DDHD2: variants seen among roughly 807,000 people sequenced by gnomAD.
DDHD2 encodes the protein DDHD domain containing 2.
DDHD2 carries 62 observed loss-of-function variants against 91.2 expected under a neutral mutation model. The observed-to-expected ratio is 0.68, with a 90% CI of 0.55 to 0.84. The LOEUF (loss-of-function observed/expected upper bound fraction) is 0.84. Among genes scored for constraint, DDHD2 ranks in the 40% least tolerant of loss-of-function variants. The pLI, the probability that DDHD2 is intolerant of heterozygous loss-of-function variation, is 0.00. For synonymous variants in DDHD2, 271 were observed against 293.9 expected, an observed-to-expected ratio of 0.92 and a Z score of 0.80; for missense variants, 740 against 846.9, an observed-to-expected ratio of 0.87 and a Z score of 1.57.
At chr8:38,271,618 G>A (rs1808484971), downstream of DDHD2, 1 of 152,198 alleles carries the variant, frequency 6.6e-6, no homozygotes, top group Admixed American at 6.5e-5. Flanking sequence ...AATTCTAGGT[G>A]GCCCTAGGCC....
chr8:38,249,354 G>A (rs531328355), intron 10 of DDHD2, among the ~76,000 whole-genome samples: 2 of 151,184 alleles, frequency 1.3e-5, no homozygotes, highest in East Asian at 2.0e-4. Context: ...CACCCGCCTC[G>A]GCCTCCCAAA....
At chr8:38,269,166 C>G in intron 1 of DDHD2, 2 of 1,509,842 alleles carry the variant, frequency 1.3e-6, no homozygotes, top group South Asian at 1.2e-5. Context: ...CCCACTTCGG[C>G]CCCAAAGGCC....
At position 38,249,938 on chromosome 8, in the gene DDHD2, A is replaced by G. The variant is rs1278315032; in HGVS notation, c.1344+135A>G. The G allele has an allele frequency of 9.7e-6, 5 of 515,886 alleles. No homozygotes were observed. The African/African-American group carries it at 9.8e-5, about 10-fold the overall frequency. 32.0% of individuals were successfully genotyped at this position (515,886 alleles called of 1,614,324 possible). A position where few individuals can be genotyped will look rare whatever the true frequency, so the allele number is the denominator to read the frequency against. On this transcript the variant is annotated intron_variant, in intron 11 of 17. Transcript: ENST00000397166. ...TGATCTTTGGCTCTTTTTTTTTGAG[A>G]CAGGGTCTCGCTCTGTCACTCAGGC...
rs866630255 is a variant in DDHD2, at chr8:38,262,799, C to G, written c.*2226C>G. On this transcript the variant is annotated 3_prime_UTR_variant, in exon 18 of 18. Coordinates refer to ENST00000397166, the MANE Select transcript of DDHD2 (RefSeq NM_015214.3). Reference sequence around the variant, plus strand: ...CTAGTGGCCTACTTTTACCTGGACTCACCCGTCTCAAAGTCAAGAAAATCA... The same window carrying G: ...CTAGTGGCCTACTTTTACCTGGACTGACCCGTCTCAAAGTCAAGAAAATCA... The G allele has an allele frequency of 3.9e-5, 6 of 152,170 alleles. No homozygotes were observed. The South Asian group carries it at 6.2e-4, about 16-fold the overall frequency. 9.4% of individuals were successfully genotyped at this position (152,170 alleles called of 1,614,324 possible). A position where few individuals can be genotyped will look rare whatever the true frequency, so the allele number is the denominator to read the frequency against.
chr8:38,263,548 A>G (rs1304029133), downstream of DDHD2: 2 of 985,264 alleles, frequency 2.0e-6, no homozygotes, highest in African/African-American at 3.5e-5. Context: ...TAATTCAACA[A>G]ATTGTTTATG....
intron 3 of DDHD2, among the ~76,000 whole-genome samples, chr8:38,237,186 G>C (rs980177054): frequency 6.6e-6 from 1 of 151,892 alleles, no homozygotes; most frequent in African/African-American, 2.4e-5. Context: ...GACCAGCCTA[G>C]CCATTATGGC....
At chr8:38,267,116 G>A (rs1807740988), downstream of DDHD2, 1 of 1,508,618 alleles carries the variant, frequency 6.6e-7, no homozygotes, top group African/African-American at 1.4e-5. Context: ...TCAAGGCTCA[G>A]ACTTGTTAAA....
downstream of DDHD2, among the ~76,000 whole-genome samples, chr8:38,265,325 T>C (rs1228221446): frequency 6.6e-6 from 1 of 151,960 alleles, no homozygotes; most frequent in African/African-American, 2.4e-5. Flanking sequence ...ATTTAAAAAT[T>C]TAAAATAGGG....
chr8:38,244,241 C>T (rs1197361321), intron 7 of DDHD2, among the ~76,000 whole-genome samples: 1 of 151,964 alleles, frequency 6.6e-6, no homozygotes, highest in African/African-American at 2.4e-5. Context: ...AGCCACAGTG[C>T]CTGGCCTGAA....
Position 38,245,945 on chromosome 8 carries a change from GT to G in DDHD2, c.1055del (p.Leu352Ter), listed in dbSNP as rs1563306348. On this transcript the variant is annotated frameshift_variant, in exon 8 of 18. Transcript: ENST00000397166. LOFTEE classifies it high-confidence loss of function. ...GGGGGTGTATCCATTGCTGGTCATA[GT>G]TTAGGTAACAAAATGAGTTCTGTGT... is the stretch of plus-strand genomic sequence containing the variant. ...FKGGVSIAGH[S>X]LGSLILFDIL... The G allele has an allele frequency of 6.2e-7, 1 of 1,612,804 alleles. No individual in the cohort carries two copies. Among genetic ancestry groups the G allele is most frequent in the Non-Finnish European group, 8.5e-7 (1 of 1,179,742 alleles).
At chr8:38,237,900 C>G (rs1585706582) in intron 4 of DDHD2, among the ~76,000 whole-genome samples, 189 bp from the exon 5 acceptor site, 1 of 152,172 alleles carries the variant, frequency 6.6e-6, no homozygotes, top group East Asian at 1.9e-4. Flanking sequence ...TAGAAAGGGA[C>G]TATTGACAGA....
At chr8:38,267,934 C>T in intron 1 of DDHD2, 2 of 1,613,974 alleles carry the variant, frequency 1.2e-6, no homozygotes, top group South Asian at 2.2e-5. Flanking sequence ...GTAAAGACGC[C>T]ATTCAGAGCC....
chr8:38,249,930 T>G (rs1313129534), intron 11 of DDHD2, 127 bp downstream of exon 11: 11 of 552,298 alleles, frequency 2.0e-5, no homozygotes, highest in Non-Finnish European at 2.9e-5. Context: ...TGGCTCTTTT[T>G]TTTTGAGACA....
rs565957213 is a variant in DDHD2 at position 38,235,583 on chromosome 8, C to T, written c.411+999C>T. 6.6e-5 allele frequency among the ~76,000 whole-genome samples: 10 copies of T among 151,386 alleles called. No individual in the cohort carries two copies. In the South Asian group the frequency reaches 1.7e-3, roughly 25 times the overall value. ...CTAAAAATACAAAATTAGCTGGGCACGGTGGTGCACGCCTGTAATCCCAGC... is the reference window on the plus strand; with the variant it reads ...CTAAAAATACAAAATTAGCTGGGCATGGTGGTGCACGCCTGTAATCCCAGC... On this transcript the variant is annotated intron_variant, in intron 3 of 17. Coordinates refer to ENST00000397166, the MANE Select transcript of DDHD2 (RefSeq NM_015214.3).
In DDHD2 at chr8:38,257,397, C is replaced by T. The variant is rs147114284; in HGVS notation, c.2055-2643C>T. On this transcript the variant is annotated intron_variant, in intron 16 of 17. Transcript: ENST00000397166. ...CTGAGTAGCTGGGATTACAGGTGTG[C>T]GCTACCATGCCTAGCTAATTTTTGT... Among the ~76,000 whole-genome samples the T allele has an allele frequency of 3.5e-3, 530 of 151,166 alleles. 2 individuals carry two copies. Among genetic ancestry groups the T allele is most frequent in the African/African-American group, 0.012 (502 of 41,144 alleles).
downstream of DDHD2, chr8:38,267,295 T>A: frequency 6.2e-7 from 1 of 1,614,024 alleles, no homozygotes; most frequent in South Asian, 1.1e-5. Flanking sequence ...GGAAGCTCTT[T>A]CGGCCCTCAT....
At chr8:38,271,067 CAAAAT>C (rs1377589282) in intron 1 of DDHD2, 1 of 152,016 alleles carries the variant, frequency 6.6e-6, no homozygotes, top group Admixed American at 6.6e-5. Flanking sequence ...GACAAAATGA[CAAAAT>C]AAAGAATGTA....
chr8:38,266,198 G>C (rs765352987), downstream of DDHD2: 1 of 1,613,958 alleles, frequency 6.2e-7, no homozygotes, highest in African/African-American at 1.3e-5. Context: ...GCTGCAAAAA[G>C]TAGAGGTGAC....
rs959410078 is a variant in DDHD2 at position 38,240,356 on chromosome 8, T to C, written c.704T>C (p.Val235Ala). 6.2e-7 allele frequency: 1 copy of C among 1,606,532 alleles called. No individual in the cohort carries two copies. The highest frequency in any genetic ancestry group is 1.3e-5 in the African/African-American group (1 of 74,844). Residue 235 changes from valine to alanine, a missense_variant, in exon 6 of 18, where the codon GTA (valine) becomes GCA (alanine). Coordinates refer to ENST00000397166, the MANE Select transcript of DDHD2 (RefSeq NM_015214.3). ...PACDLRFRSI[V>A]QCVNDFRSVS... is the part of the protein sequence containing the mutation. ...TGTGATCTCCGCTTTCGAAGCATTG[T>C]ACAGTGTGGTAGGTTTGCAAAGCAT...
Sources: gnomAD v4.1 joint callset for allele counts (sites outside exome capture counted in the v4.1 genomes callset) on GRCh38, gnomAD v4.1.1 for gene constraint, MANE v1.5 for transcripts, NCBI Gene and HGNC (gene_info 2026-07-23, HGNC 2026-07-21) for gene names.